FAM98A: variants seen among roughly 807,000 people sequenced by gnomAD.
FAM98A encodes the protein protein FAM98A.
In FAM98A, 25 loss-of-function variants were observed where a neutral mutation model predicts 62.9. The ratio of observed to expected loss-of-function variants is 0.40; its 90% confidence interval spans 0.29 to 0.56. The LOEUF (loss-of-function observed/expected upper bound fraction) is 0.56. Ranked by LOEUF, FAM98A falls within the 20% of genes least tolerant of loss-of-function variation. The probability of loss-of-function intolerance (pLI) is 0.51; values close to 1 mark genes in which losing one functional copy is unlikely to be tolerated. For synonymous variants in FAM98A, 252 were observed against 228.6 expected, an observed-to-expected ratio of 1.10 and a Z score of -0.92; for missense variants, 653 against 640.7, an observed-to-expected ratio of 1.02 and a Z score of -0.21.
intron 3 of FAM98A, chr2:33,589,919 T>C (rs1371932401): frequency 1.3e-5 from 2 of 152,170 alleles, no homozygotes; most frequent in African/African-American, 2.4e-5. Flanking sequence ...TTGCCAACTC[T>C]TGTTCTAGAA....
rs141905297 is a variant in FAM98A, at chr2:33,592,071, T to G, written c.337+9A>C. ...AGTAATAGCTATATTCTAGTAGCCA[T>G]GAACTTACTGAGCAAGAGGAGGCAG... On this transcript the variant is annotated intron_variant, in intron 3 of 7. Coordinates refer to ENST00000238823, the MANE Select transcript of FAM98A (RefSeq NM_015475.5). 385 of 1,611,136 alleles carry G rather than the reference T, an allele frequency of 2.4e-4. 6 individuals are homozygous for G. In the East Asian group the frequency reaches 8.2e-3, roughly 35 times the overall value.
intron 3 of FAM98A, chr2:33,589,030 C>T (rs1677616624): frequency 6.6e-6 from 1 of 152,188 alleles, no homozygotes; most frequent in Non-Finnish European, 1.5e-5. Flanking sequence ...CAAAGCTTAA[C>T]TCACAGGAGA....
At chr2:33,586,969 G>A (rs1440973383) in intron 5 of FAM98A, 1 of 516,950 alleles carries the variant, frequency 1.9e-6, no homozygotes, top group Non-Finnish European at 3.4e-6. Flanking sequence ...CAATCCATTT[G>A]GCAACGAGAA....
chr2:33,585,162 C>T lies in FAM98A; in HGVS notation c.1171G>A (p.Gly391Arg). The T allele has an allele frequency of 6.2e-7, 1 of 1,614,172 alleles. No individual in the cohort carries two copies. Among genetic ancestry groups the T allele is most frequent in the East Asian group, 2.2e-5 (1 of 44,874 alleles). The change falls in exon 8 of 8, where the codon GGA becomes AGA. Residue 391 changes from glycine (G) to arginine (R), a missense_variant. Gly to Arg is a moderately radical substitution (Grantham distance 125). Transcript: ENST00000238823. ...GGWTDGGSGG[G>R]GGYQDGGYRD... The stretch of plus-strand genomic sequence containing the variant: ...TAACCACCATCTTGGTAGCCACCTC[C>T]TCCACCACTCCCTCCATCTGTCCAG...
chr2:33,587,315 C>T lies in FAM98A; in HGVS notation c.528G>A (p.Lys176=), dbSNP rs1366866921. 1 of 1,610,324 alleles carries T rather than the reference C, an allele frequency of 6.2e-7. No homozygotes were observed. Among genetic ancestry groups the T allele is most frequent in the Non-Finnish European group, 8.5e-7 (1 of 1,176,940 alleles). ...TAGGTGGAACTTTTGCTAATGTTTC[C>T]TTTAACTGACACAAAAACATAAATA... ...QFFSGIEKKL[K]ETLAKVPPNH... The change falls in exon 5 of 8, where the codon AAG becomes AAA. Residue 176 remains lysine (K), a synonymous_variant. Transcript: ENST00000238823.
Position 33,599,162 on chromosome 2 carries a change from A to G in FAM98A, c.53+7T>C, listed in dbSNP as rs750410723. On this transcript the variant is annotated splice_region_variant and intron_variant, in intron 1 of 7. Coordinates refer to ENST00000238823, the MANE Select transcript of FAM98A (RefSeq NM_015475.5). The stretch of plus-strand genomic sequence containing the variant: ...GGCTTGGGAGACCCGTGCCCTGACA[A>G]TCTTACCCTAGATCTTCCAACGACT... The G allele has an allele frequency of 1.8e-5, 29 of 1,612,834 alleles. No individual in the cohort carries two copies. In the East Asian group the frequency reaches 2.2e-4, roughly 12 times the overall value.
At chr2:33,590,175 C>T (rs1677640847) in intron 3 of FAM98A, among the ~76,000 whole-genome samples, 1 of 152,012 alleles carries the variant, frequency 6.6e-6, no homozygotes, top group South Asian at 2.1e-4. Context: ...AGTTCTTCAT[C>T]TATTAGGAAC....
chr2:33,596,115 T>A (rs1677805839), intron 1 of FAM98A, among the ~76,000 whole-genome samples: 1 of 152,232 alleles, frequency 6.6e-6, no homozygotes, highest in East Asian at 1.9e-4. Flanking sequence ...TCACATAGGC[T>A]GAAGTGCAGT....
Position 33,599,156 on chromosome 2 carries a change from C to T in FAM98A, c.53+13G>A. On this transcript the variant is annotated intron_variant, in intron 1 of 7. Transcript: ENST00000238823. ...GCGTGGGGCTTGGGAGACCCGTGCC[C>T]TGACAATCTTACCCTAGATCTTCCA... 1.2e-6 allele frequency: 2 copies of T among 1,612,364 alleles called. No individual in the cohort carries two copies. Among genetic ancestry groups the T allele is most frequent in the African/African-American group, 2.7e-5 (2 of 74,988 alleles).
chr2:33,596,770 T>C (rs1677821952), intron 1 of FAM98A, among the ~76,000 whole-genome samples: 1 of 151,400 alleles, frequency 6.6e-6, no homozygotes, highest in African/African-American at 2.4e-5. Flanking sequence ...AGGGCGCCTG[T>C]AGTCTCAGCT....
At position 33,588,344 on chromosome 2, in the gene FAM98A, A is replaced by C. The variant is rs1197902352; in HGVS notation, c.513T>G (p.Ile171Met). 6.2e-7 allele frequency: 1 copy of C among 1,604,508 alleles called. No homozygotes were observed. Among genetic ancestry groups the C allele is most frequent in the Non-Finnish European group, 8.5e-7 (1 of 1,176,554 alleles). ...NITMFQFFSG[I>M]EKKLKETLAK... ...GTACTAAAGGTCTTACTTTTTTTTC[A>C]ATCCCGCTGAAGAATTGGAACATAG... The change falls in exon 4 of 8, where the codon ATT (isoleucine) becomes ATG (methionine). Residue 171 changes from isoleucine (I) to methionine (M), a missense_variant. Physicochemically the swap from Ile to Met is conservative, Grantham distance 10. Transcript: ENST00000238823.
At chr2:33,598,025 G>GACTTTCCA (rs1677853467) in intron 1 of FAM98A, among the ~76,000 whole-genome samples, 1 of 152,150 alleles carries the variant, frequency 6.6e-6, no homozygotes, top group African/African-American at 2.4e-5. Flanking sequence ...CCTAAAGTCT[G>GACTTTCCA]GAATATTTAT....
intron 2 of FAM98A, among the ~76,000 whole-genome samples, chr2:33,593,795 G>T (rs1338642225): frequency 6.6e-6 from 1 of 152,148 alleles, no homozygotes; most frequent in African/African-American, 2.4e-5. Flanking sequence ...TGGGCTAAAG[G>T]TACCTCGTCT....
In FAM98A at chr2:33,585,714, G is replaced by T. The variant is rs1458688791; in HGVS notation, c.721-17C>A. On this transcript the variant is annotated splice_polypyrimidine_tract_variant and intron_variant, in intron 6 of 7. Coordinates refer to ENST00000238823, the MANE Select transcript of FAM98A (RefSeq NM_015475.5). ...TGTCTGGCTCTGTTGAAAGAAAAGT[G>T]TTCAAAGAGAAATGTCAATTTTCAA... 1 of 1,594,858 alleles carries T rather than the reference G, an allele frequency of 6.3e-7. No individual in the cohort carries two copies. The highest frequency in any genetic ancestry group is 1.8e-5 in the Admixed American group (1 of 55,970).
At chr2:33,585,891 G>C (rs573536888) in intron 6 of FAM98A, among the ~76,000 whole-genome samples, 194 bp from the exon 7 acceptor site, 1 of 152,164 alleles carries the variant, frequency 6.6e-6, no homozygotes. Context: ...TGCCAGACTT[G>C]TTGACACAAC....
rs140245441 is a variant in FAM98A at position 33,583,745 on chromosome 2, T to C, written c.*1031A>G. On this transcript the variant is annotated 3_prime_UTR_variant, in exon 8 of 8. Coordinates refer to ENST00000238823, the MANE Select transcript of FAM98A (RefSeq NM_015475.5). ...CTTTCACAGCTTGACAATGTTTACATGTACAAAAACCCAGCAAGAAGCATC... is the reference window on the plus strand; with the variant it reads ...CTTTCACAGCTTGACAATGTTTACACGTACAAAAACCCAGCAAGAAGCATC... The C allele has an allele frequency of 3.3e-5, 5 of 152,774 alleles. No individual in the cohort carries two copies. The East Asian group carries it at 9.6e-4, about 29-fold the overall frequency. The allele number at this position is 152,774 out of a possible 1,614,324, so 9.5% of individuals were successfully genotyped here.
In FAM98A at chr2:33,588,259, T is replaced by C. The variant is rs921959801; in HGVS notation, c.522+76A>G. 115 of 1,161,356 alleles carry C rather than the reference T, an allele frequency of 9.9e-5. No individual in the cohort carries two copies. In the African/African-American group the frequency reaches 1.5e-3, roughly 16 times the overall value. 71.9% of individuals were successfully genotyped at this position (1,161,356 alleles called of 1,614,324 possible). On this transcript the variant is annotated intron_variant, in intron 4 of 7. Transcript: ENST00000238823. The stretch of plus-strand genomic sequence containing the variant: ...ACATTAGGTTCCCATTAAGAGAAAT[T>C]AAATTAATTGCTTCATTTCAAACAA...
At chr2:33,595,712 T>C (rs377257947) in intron 1 of FAM98A, 75 bp from the exon 2 acceptor site, 1 of 1,049,704 alleles carries the variant, frequency 9.5e-7, no homozygotes. Context: ...CATATCTATG[T>C]CTTATTTATA....
intron 3 of FAM98A, chr2:33,589,297 T>G (rs1482570198): frequency 2.6e-5 from 4 of 152,184 alleles, no homozygotes; most frequent in Non-Finnish European, 5.9e-5. Flanking sequence ...TTCAGGTAAT[T>G]CAGTTGAAGG....
Sources: gnomAD v4.1 joint callset for allele counts (sites outside exome capture counted in the v4.1 genomes callset) on GRCh38, gnomAD v4.1.1 for gene constraint, MANE v1.5 for transcripts, NCBI Gene and HGNC (gene_info 2026-07-23, HGNC 2026-07-21) for gene names.